Variants in DMAC2 observed in about 807,000 individuals in gnomAD.
DMAC2 encodes the protein distal membrane-arm assembly complex protein 2.
A neutral mutation model predicts 29.6 loss-of-function variants in DMAC2; 32 were observed. The ratio of observed to expected loss-of-function variants is 1.08; its 90% CI spans 0.81 to 1.45. The LOEUF is 1.45. Among genes scored for constraint, DMAC2 ranks in the 40% most tolerant of loss-of-function variants. DMAC2 has a pLI of 0.00. For synonymous variants in DMAC2, 133 were observed against 137.4 expected (o/e 0.97, Z 0.23); for missense variants, 319 against 340.0 (o/e 0.94, Z 0.49).
rs782105595 is a variant in DMAC2 at position 41,436,437 on chromosome 19, T to C, written c.251A>G (p.Tyr84Cys). The stretch of plus-strand genomic sequence containing the variant: ...CAGGATGAAAAAGGCACCTGCGCCG[T>C]ATGGACCATGTTGCTTCTCCAGCCA... ...YTWLEKQHGPYGAGAFFILKQ... is the reference protein window; with the variant it reads ...YTWLEKQHGPCGAGAFFILKQ... The change falls in exon 3 of 6, where the codon TAC becomes TGC. Residue 84 changes from tyrosine (Y) to cysteine (C), a missense_variant. By Grantham distance (194) the Tyr-to-Cys change is radical (BLOSUM62 -2). Transcript: ENST00000221943. 1.2e-6 allele frequency: 2 copies of C among 1,614,138 alleles called. No individual in the cohort carries two copies. The highest frequency in any genetic ancestry group is 1.7e-6 in the Non-Finnish European group (2 of 1,180,032).
chr19:41,437,762 A>G, intron 2 of DMAC2, among the ~76,000 whole-genome samples: 1 of 152,102 alleles, frequency 6.6e-6, no homozygotes, highest in East Asian at 1.9e-4. Context: ...ATTCAACTAT[A>G]AGGGATCAGG....
intron 1 of DMAC2, chr19:41,439,319 G>T: frequency 4.4e-5 from 23 of 526,786 alleles, no homozygotes; most frequent in South Asian, 1.4e-4. Flanking sequence ...TTCATTCCTT[G>T]ATTTTAAATC....
chr19:41,433,948 A>C (rs750782565), intron 3 of DMAC2, among the ~76,000 whole-genome samples: 2 of 151,762 alleles, frequency 1.3e-5, no homozygotes, highest in African/African-American at 4.8e-5. Context: ...AAAATACAAA[A>C]ATTGGCCAGG....
intron 3 of DMAC2, 80 bp from the exon 4 acceptor site, chr19:41,433,753 C>T (rs913730425): frequency 7.6e-5 from 119 of 1,574,026 alleles, no homozygotes; most frequent in Non-Finnish European, 9.8e-5. Context: ...TTCCCCAGCC[C>T]TATATAATAT....
chr19:41,434,699 A>G (rs2039765339), intron 3 of DMAC2, among the ~76,000 whole-genome samples: 1 of 152,110 alleles, frequency 6.6e-6, no homozygotes, highest in Non-Finnish European at 1.5e-5. Context: ...GGAAAGAAAG[A>G]AAAACATTAT....
chr19:41,438,227 T>C lies in DMAC2; in HGVS notation c.206A>G (p.Glu69Gly), dbSNP rs538322489. 2 of 1,613,958 alleles carry C rather than the reference T, an allele frequency of 1.2e-6. No individual in the cohort carries two copies. Among genetic ancestry groups the C allele is most frequent in the South Asian group, 2.2e-5 (2 of 91,070 alleles). ...GACCAGGGATTCTCACCGATTTTTC[T>C]CATGCACCTTGTACATCTCCCTTTG... ...LLQREMYKVH[E>G]KNRSYTWLEK... Residue 69 changes from glutamate (E) to glycine (G), a missense_variant, in exon 2 of 6, where the codon GAG (glutamate) becomes GGG (glycine). Glu to Gly is a moderately conservative substitution (Grantham distance 98, BLOSUM62 -2). Transcript: ENST00000221943.
chr19:41,437,217 T>A (rs185368032), intron 2 of DMAC2, among the ~76,000 whole-genome samples: 2 of 151,490 alleles, frequency 1.3e-5, no homozygotes, highest in African/African-American at 4.9e-5. Flanking sequence ...CTGGCCAACA[T>A]GGTGAAACCC....
At chr19:41,435,704 CATGTGCCACCA>C (rs1480319323) in intron 3 of DMAC2, among the ~76,000 whole-genome samples, 44 of 152,230 alleles carry the variant, frequency 2.9e-4, no homozygotes, top group African/African-American at 1.1e-3. Context: ...GGACCACAGG[CATGTGCCACCA>C]TACCTGGCTA....
chr19:41,432,762 A>C, intron 5 of DMAC2: 1 of 335,300 alleles, frequency 3.0e-6, no homozygotes. Flanking sequence ...GCGTGTGTGT[A>C]GGGAGGTACA....
intron 4 of DMAC2, 48 bp downstream of exon 4, chr19:41,433,489 A>G (rs1555770155): frequency 1.2e-6 from 2 of 1,613,162 alleles, no homozygotes; most frequent in East Asian, 2.2e-5. Context: ...GCCCATCACC[A>G]AAGGGAAAAC....
In DMAC2 at chr19:41,433,515, A is replaced by G. The variant is rs782602159; in HGVS notation, c.433+22T>C. The G allele has an allele frequency of 4.3e-6, 7 of 1,614,052 alleles. No individual in the cohort carries two copies. The East Asian group carries it at 1.3e-4, about 31-fold the overall frequency. ...AAGGGAAAACATAGAGGCCTGTCCC[A>G]TCTCCACCCCACCGCACTCACGGAG... On this transcript the variant is annotated intron_variant, in intron 4 of 5. Transcript: ENST00000221943.
At chr19:41,437,571 C>T (rs972330904) in intron 2 of DMAC2, among the ~76,000 whole-genome samples, 1 of 150,466 alleles carries the variant, frequency 6.6e-6, no homozygotes, top group Non-Finnish European at 1.5e-5. Flanking sequence ...TGGTGGCGGG[C>T]GCCTGTAATC....
At chr19:41,432,554 C>G (rs1443681863) in intron 5 of DMAC2, 146 bp from the exon 6 acceptor site, 60 of 666,738 alleles carry the variant, frequency 9.0e-5, no homozygotes, top group Non-Finnish European at 1.4e-4. Flanking sequence ...TAGGGAGGTA[C>G]AGGACAGTGT....
rs782279895 is a variant in DMAC2 at position 41,432,653 on chromosome 19, C to CGTGTGTGTGT, written c.597-255_597-246dup. The CGTGTGTGTGT allele has an allele frequency of 1.2e-3, 269 of 220,744 alleles. 12 individuals are homozygous for CGTGTGTGTGT. In the African/African-American group the frequency reaches 0.012, roughly 10 times the overall value. 13.7% of individuals were successfully genotyped at this position (220,744 alleles called of 1,614,324 possible). On this transcript the variant is annotated intron_variant, in intron 5 of 5. Transcript: ENST00000221943. ...GTGTGTGTAGGGAGGTACAGGACAG[C>CGTGTGTGTGT]GTGTGTGTGTGTGTGTGTGTGTGTA...
intron 2 of DMAC2, 151 bp from the exon 3 acceptor site, chr19:41,436,623 G>A: frequency 1.5e-6 from 1 of 671,120 alleles, no homozygotes; most frequent in East Asian, 2.7e-5. Context: ...CCTCCTAAGT[G>A]CTGGGCACTG....
chr19:41,436,352 C>A (rs781974307), intron 3 of DMAC2, 40 bp downstream of exon 3: 1 of 1,576,886 alleles, frequency 6.3e-7, no homozygotes, highest in Non-Finnish European at 8.7e-7. Flanking sequence ...AGATACCCCA[C>A]CACCTGCCCC....
In DMAC2 at chr19:41,433,220, T is replaced by TTA. The variant is rs782786676; in HGVS notation, c.596+50_596+51dup. On this transcript the variant is annotated intron_variant, in intron 5 of 5. Transcript: ENST00000221943. ...CCCCACTTCCTCTCCTGCATCTGGGTTAGGTGGGAGAGGTGCCTGGGCATG... is the reference window on the plus strand; with the variant it reads ...CCCCACTTCCTCTCCTGCATCTGGGTTATAGGTGGGAGAGGTGCCTGGGCATG... 4 of 1,539,052 alleles carry TTA rather than the reference T, an allele frequency of 2.6e-6. No homozygotes were observed. In the African/African-American group the frequency reaches 4.1e-5, roughly 16 times the overall value.
chr19:41,438,783 T>A (rs2040004095), intron 1 of DMAC2, among the ~76,000 whole-genome samples: 1 of 152,146 alleles, frequency 6.6e-6, no homozygotes, highest in South Asian at 2.1e-4. Context: ...AAATGACTTC[T>A]TTCTTTCCCC....
intron 1 of DMAC2, chr19:41,439,348 A>G: frequency 1.6e-6 from 1 of 610,332 alleles, no homozygotes; most frequent in Non-Finnish European, 2.8e-6. Context: ...GAATATCTCA[A>G]ATTCTCCTCT....
Sources: allele counts gnomAD v4.1 joint callset (sites outside exome capture counted in the v4.1 genomes callset), GRCh38; gene constraint gnomAD v4.1.1; transcripts MANE v1.5; gene names NCBI Gene and HGNC (gene_info 2026-07-23, HGNC 2026-07-21).